The following SLC22A3 variants were observed in gnomAD, a reference collection of about 807,000 sequenced individuals.
SLC22A3 encodes EMT organic cation transporter 3.
In SLC22A3, 51 loss-of-function variants were observed where a neutral mutation model predicts 59.1. The ratio of observed to expected loss-of-function variants is 0.86; its 90% CI spans 0.69 to 1.09. The LOEUF (loss-of-function observed/expected upper bound fraction) is 1.09, where lower values mean the gene tolerates loss of function less well. Ranked by LOEUF, SLC22A3 falls within the 50% of genes least tolerant of loss-of-function variation. The pLI, the probability that SLC22A3 is intolerant of heterozygous loss-of-function variation, is 0.00. For synonymous variants in SLC22A3, 325 were observed against 292.0 expected (o/e 1.11, Z -1.15); for missense variants, 711 against 726.3 (o/e 0.98, Z 0.24).
At chr6:160,442,477 T>C (rs1788583565) in intron 7 of SLC22A3, among the ~76,000 whole-genome samples, 2 of 152,212 alleles carry the variant, frequency 1.3e-5, no homozygotes, top group Non-Finnish European at 1.5e-5. Context: ...CCTGGAACAA[T>C]GTTCCAATGT....
chr6:160,364,389 C>A (rs1785131454), intron 1 of SLC22A3, among the ~76,000 whole-genome samples: 1 of 152,202 alleles, frequency 6.6e-6, no homozygotes. Flanking sequence ...AGGTGTGAAG[C>A]AGCCTTCATG....
chr6:160,363,395 G>C (rs1396794201), intron 1 of SLC22A3, among the ~76,000 whole-genome samples: 1 of 152,140 alleles, frequency 6.6e-6, no homozygotes, highest in Non-Finnish European at 1.5e-5. Flanking sequence ...CAGGCCCCGT[G>C]CCCCTCTTTG....
chr6:160,399,087 G>C (rs578009578), intron 2 of SLC22A3, among the ~76,000 whole-genome samples: 62 of 152,300 alleles, frequency 4.1e-4, no homozygotes, highest in African/African-American at 1.5e-3. Flanking sequence ...TTCAAAATGG[G>C]TAGAGCCTTG....
rs420038 is a variant in SLC22A3, at chr6:160,387,116, C to T, written c.430-10863C>T. On this transcript the variant is annotated intron_variant, in intron 1 of 10. Transcript: ENST00000275300. ...GATAGACAGCTGACAGGTCAGGACA[C>T]AGACTTTGGTGGCAACTGCCCGAGC... Among the ~76,000 whole-genome samples the T allele has an allele frequency of 0.25, 37,969 of 152,148 alleles. 5,086 individuals are homozygous for T. The highest frequency in any genetic ancestry group is 0.37 in the South Asian group (1,788 of 4,820).
chr6:160,430,368 G>T (rs779663681), intron 5 of SLC22A3, among the ~76,000 whole-genome samples: 1 of 151,898 alleles, frequency 6.6e-6, no homozygotes, highest in South Asian at 2.1e-4. Context: ...TTTCTGACCC[G>T]AGACCAGTCC....
At position 160,415,808 on chromosome 6, in the gene SLC22A3, C is replaced by T. The variant is rs1161128876; in HGVS notation, c.975+4962C>T. 6.6e-6 allele frequency among the ~76,000 whole-genome samples: 1 copy of T among 152,110 alleles called. No homozygotes were observed. The highest frequency in any genetic ancestry group is 1.5e-5 in the Non-Finnish European group (1 of 68,026). On this transcript the variant is annotated intron_variant, in intron 5 of 10. Coordinates refer to ENST00000275300, the MANE Select transcript of SLC22A3 (RefSeq NM_021977.4). The surrounding 1 kb of genome is among the most constrained non-coding windows in gnomAD (Gnocchi z 4.1). ...TTGTGAAAAGAACCACCTGCCAACC[C>T]CAGCCTGTTCCATTGCTGACATCAG...
intron 7 of SLC22A3, among the ~76,000 whole-genome samples, chr6:160,437,736 G>T (rs1391607249): frequency 6.6e-6 from 1 of 152,210 alleles, no homozygotes; most frequent in Non-Finnish European, 1.5e-5. Context: ...AAAATAGATT[G>T]GGGAGGAGTG....
At chr6:160,394,321 G>C (rs1786384411) in intron 1 of SLC22A3, among the ~76,000 whole-genome samples, 1 of 152,196 alleles carries the variant, frequency 6.6e-6, no homozygotes, top group Non-Finnish European at 1.5e-5. Context: ...CTTTATATCA[G>C]AAAAAAGTAC....
intron 5 of SLC22A3, among the ~76,000 whole-genome samples, chr6:160,420,644 G>A (rs1318089457): frequency 1.3e-5 from 2 of 152,200 alleles, no homozygotes; most frequent in African/African-American, 4.8e-5. Context: ...TTTGCCCAGG[G>A]CCGGGGAGTT....
Position 160,436,817 on chromosome 6 carries a change from T to G in SLC22A3, c.1013T>G (p.Phe338Cys), listed in dbSNP as rs1019301890. ...GATGAGGAAGTTAGTAATCCATCCT[T>G]TTTAGATCTGGTGAGAACTCCCCAA... ...VTDEEVSNPSFLDLVRTPQMR... is the reference protein window; with the variant it reads ...VTDEEVSNPSCLDLVRTPQMR... Residue 338 changes from phenylalanine to cysteine, a missense_variant, in exon 6 of 11, where the codon TTT becomes TGT. By Grantham distance (205) the Phe-to-Cys change is radical (BLOSUM62 -2). Transcript: ENST00000275300. 1.2e-6 allele frequency: 2 copies of G among 1,613,698 alleles called. No individual in the cohort carries two copies. The highest frequency in any genetic ancestry group is 1.3e-5 in the African/African-American group (1 of 74,928).
intron 8 of SLC22A3, among the ~76,000 whole-genome samples, 200 bp from the exon 9 acceptor site, chr6:160,443,430 A>G (rs1788623594): frequency 6.6e-6 from 1 of 152,230 alleles, no homozygotes; most frequent in Non-Finnish European, 1.5e-5. Context: ...CCCACGCTGG[A>G]GACTTCCTCA....
chr6:160,410,577 T>A, intron 4 of SLC22A3, 152 bp from the exon 5 acceptor site: 1 of 633,632 alleles, frequency 1.6e-6, no homozygotes. Flanking sequence ...CTTGCAGGAA[T>A]AATCTGTATT....
chr6:160,399,625 C>T (rs551709970), intron 2 of SLC22A3, among the ~76,000 whole-genome samples: 53 of 152,180 alleles, frequency 3.5e-4, no homozygotes, highest in Admixed American at 5.9e-4. Context: ...TCCTCCATAT[C>T]CATGATTTAT....
intron 1 of SLC22A3, among the ~76,000 whole-genome samples, chr6:160,352,951 G>A (rs915881925): frequency 1.3e-5 from 2 of 152,172 alleles, no homozygotes; most frequent in African/African-American, 4.8e-5. Context: ...CTCCTGAGTA[G>A]CTGGGATTAC....
chr6:160,371,246 A>G (rs533491482), intron 1 of SLC22A3, among the ~76,000 whole-genome samples: 14 of 152,240 alleles, frequency 9.2e-5, no homozygotes, highest in African/African-American at 2.4e-4. Context: ...GGTCTGTTAC[A>G]TAGGTATACA....
intron 1 of SLC22A3, among the ~76,000 whole-genome samples, chr6:160,389,631 C>T (rs1249040954): frequency 6.6e-6 from 1 of 152,236 alleles, no homozygotes; most frequent in Non-Finnish European, 1.5e-5. Context: ...AGAGATTGGT[C>T]CCTTCTTGAC....
rs769302211 is a variant in SLC22A3 at position 160,447,786 on chromosome 6, A to C, written c.1578A>C (p.Pro526=). 1 of 1,614,108 alleles carries C rather than the reference A, an allele frequency of 6.2e-7. No homozygotes were observed. Among genetic ancestry groups the C allele is most frequent in the East Asian group, 2.2e-5 (1 of 44,878 alleles). The change falls in exon 10 of 11, where the codon CCA becomes CCC. Residue 526 remains proline (P), a synonymous_variant. Coordinates refer to ENST00000275300, the MANE Select transcript of SLC22A3 (RefSeq NM_021977.4). ...LLPETKGIAL[P]ETVDDVEKLG... ...CTGAAACCAAGGGTATTGCCTTGCC[A>C]GAGACAGTGGATGATGTAGAAAAAC... is the stretch of plus-strand genomic sequence containing the variant.
intron 1 of SLC22A3, among the ~76,000 whole-genome samples, chr6:160,394,035 T>C (rs1786371288): frequency 6.6e-6 from 1 of 152,266 alleles, no homozygotes; most frequent in Non-Finnish European, 1.5e-5. Context: ...AAAGGCGTCA[T>C]TTTCTTTGTG....
At chr6:160,371,842 T>C (rs1293229765) in intron 1 of SLC22A3, among the ~76,000 whole-genome samples, 1 of 152,172 alleles carries the variant, frequency 6.6e-6, no homozygotes, top group Non-Finnish European at 1.5e-5. Flanking sequence ...GCATCTGTTG[T>C]TTCCTGCCTT....
Sources: gnomAD v4.1 joint callset for allele counts (sites outside exome capture counted in the v4.1 genomes callset) on GRCh38, gnomAD v4.1.1 for gene constraint, Gnocchi (gnomAD v3.1) non-coding constraint, MANE v1.5 for transcripts, NCBI Gene and HGNC (gene_info 2026-07-23, HGNC 2026-07-21) for gene names.